The following PDXDC1 variants were observed in gnomAD, a reference collection of about 807,000 sequenced individuals.
PDXDC1 encodes the protein pyridoxal dependent decarboxylase domain containing 1.
PDXDC1 carries 42 observed loss-of-function variants against 100.1 expected under a neutral mutation model. That is an observed-to-expected ratio of 0.42 (90% CI 0.33 to 0.54). PDXDC1 has a LOEUF of 0.54. PDXDC1 is among the 20% of genes least tolerant of loss of function. The pLI, the probability that PDXDC1 is intolerant of heterozygous loss-of-function variation, is 0.10. For missense variants in PDXDC1, 636 were observed against 979.2 expected (o/e 0.65, Z 4.68); for synonymous variants, 260 against 371.7 (o/e 0.70, Z 3.46).
At chr16:15,040,200 TC>T (rs548576269), downstream of PDXDC1, 49 of 466,798 alleles carry the variant, frequency 1.0e-4, no homozygotes, top group South Asian at 2.2e-3. Flanking sequence ...TATCTGGACT[TC>T]CCCCTCCCTG....
At chr16:15,051,795 G>A (rs549222475) in intron 16 of PDXDC1, among the ~76,000 whole-genome samples, 23 of 150,412 alleles carry the variant, frequency 1.5e-4, no homozygotes, top group Non-Finnish European at 2.5e-4. Context: ...CAAACTCCTG[G>A]GCTCAAGCAA....
chr16:15,033,703 C>G (rs1485711642), intron 19 of PDXDC1, among the ~76,000 whole-genome samples: 1 of 152,182 alleles, frequency 6.6e-6, no homozygotes. Flanking sequence ...ACCCCTGCCA[C>G]CAAGGTCAGG....
At chr16:15,122,142 C>T (rs1296387591) in intron 16 of PDXDC1, among the ~76,000 whole-genome samples, 7 of 151,962 alleles carry the variant, frequency 4.6e-5, no homozygotes, top group African/African-American at 1.2e-4. Context: ...CCAGCCTGGG[C>T]GACAGAGTGA....
At chr16:15,072,516 C>T (rs1009673954) in intron 16 of PDXDC1, among the ~76,000 whole-genome samples, 7 of 152,088 alleles carry the variant, frequency 4.6e-5, no homozygotes, top group African/African-American at 7.2e-5. Context: ...GAGAAGGGAA[C>T]GTGGGCCAGG....
intron 16 of PDXDC1, chr16:15,047,778 ACT>A (rs1296437543): frequency 3.9e-5 from 49 of 1,243,534 alleles, no homozygotes; most frequent in Non-Finnish European, 4.1e-5. Flanking sequence ...ACACCAGGAA[ACT>A]CAACACGAGA....
intron 12 of PDXDC1, among the ~76,000 whole-genome samples, chr16:15,021,003 C>CACACAT (rs2042159707): frequency 6.6e-6 from 1 of 152,184 alleles, no homozygotes; most frequent in African/African-American, 2.4e-5. Context: ...CACACACACA[C>CACACAT]ACACACACGA....
At chr16:15,081,076 G>A (rs972926737) in intron 16 of PDXDC1, among the ~76,000 whole-genome samples, 1 of 152,110 alleles carries the variant, frequency 6.6e-6, no homozygotes, top group Non-Finnish European at 1.5e-5. Context: ...CCTTTTCATT[G>A]CTGAGTAATA....
intron 16 of PDXDC1, chr16:15,094,670 G>A (rs2046289091): frequency 4.1e-6 from 1 of 244,036 alleles, no homozygotes; most frequent in Non-Finnish European, 8.1e-6. Flanking sequence ...CAGGAGCCTG[G>A]GCTCTATACT....
chr16:15,065,027 G>C (rs1165778514), intron 16 of PDXDC1, among the ~76,000 whole-genome samples: 1 of 152,082 alleles, frequency 6.6e-6, no homozygotes, highest in Admixed American at 6.5e-5. Context: ...TTAGCCAGGC[G>C]TGGCAGTGGG....
At chr16:15,034,631 C>T (rs2043285692) in intron 21 of PDXDC1, 78 bp downstream of exon 21, 2 of 1,019,670 alleles carry the variant, frequency 2.0e-6, no homozygotes, top group Non-Finnish European at 3.1e-6. Flanking sequence ...CCAACACTTC[C>T]CACTGAGAAT....
chr16:15,104,319 T>C lies in PDXDC1; in HGVS notation c.1400-34560T>C, dbSNP rs1316074571. ...AACATAAGGACTGCAGTATTCATTT[T>C]ATTTTTATATTATTTATTTATTCTT... On this transcript the variant is annotated intron_variant, in intron 16 of 16. Coordinates refer to the PDXDC1 transcript ENST00000535621. 10 of 1,528,828 alleles carry C rather than the reference T, an allele frequency of 6.5e-6. No individual in the cohort carries two copies. In the East Asian group the frequency reaches 2.4e-4, roughly 37 times the overall value. 94.7% of individuals were successfully genotyped at this position (1,528,828 alleles called of 1,614,324 possible).
At chr16:14,994,921 T>C (rs1165675292) in intron 1 of PDXDC1, among the ~76,000 whole-genome samples, 3 of 152,302 alleles carry the variant, frequency 2.0e-5, no homozygotes, top group African/African-American at 7.2e-5. Flanking sequence ...GGGAGTTCAC[T>C]CATGATTTGG....
chr16:15,140,541 C>T (rs1048023299), downstream of PDXDC1, among the ~76,000 whole-genome samples: 1 of 151,574 alleles, frequency 6.6e-6, no homozygotes, highest in Non-Finnish European at 1.5e-5. Flanking sequence ...AAAAACCAGG[C>T]AATTAAAAGA....
At chr16:15,051,012 C>T (rs2044271419) in intron 16 of PDXDC1, among the ~76,000 whole-genome samples, 2 of 152,228 alleles carry the variant, frequency 1.3e-5, no homozygotes, top group Admixed American at 6.5e-5. Context: ...AGGTGACAGC[C>T]TCTCATTTTC....
chr16:15,053,170 G>A (rs2044362568), intron 16 of PDXDC1, among the ~76,000 whole-genome samples: 1 of 152,244 alleles, frequency 6.6e-6, no homozygotes, highest in Non-Finnish European at 1.5e-5. Flanking sequence ...CGTGGCTACT[G>A]TACTGAATAG....
chr16:15,034,234 G>A, intron 19 of PDXDC1, 52 bp from the exon 20 acceptor site: 1 of 1,516,138 alleles, frequency 6.6e-7, no homozygotes, highest in East Asian at 2.3e-5. Flanking sequence ...AGCTCTTCTG[G>A]GCCCCAGGTG....
At chr16:15,073,391 A>C (rs1266041761) in intron 16 of PDXDC1, among the ~76,000 whole-genome samples, 1 of 152,254 alleles carries the variant, frequency 6.6e-6, no homozygotes, top group Admixed American at 6.5e-5. Flanking sequence ...CAGGAGGTCA[A>C]GGCTGCAGTA....
chr16:15,124,130 T>C (rs559229996), intron 16 of PDXDC1, among the ~76,000 whole-genome samples: 2 of 152,284 alleles, frequency 1.3e-5, no homozygotes, highest in South Asian at 2.1e-4. Flanking sequence ...TCTCCTAAGG[T>C]GTTTGCCCAC....
At chr16:14,977,495 G>A (rs1041945545) in intron 1 of PDXDC1, among the ~76,000 whole-genome samples, 4 of 152,260 alleles carry the variant, frequency 2.6e-5, no homozygotes, top group African/African-American at 9.6e-5. Context: ...GGTCAGGATG[G>A]TCTCAAACGC....
Sources: gnomAD v4.1 joint callset for allele counts (sites outside exome capture counted in the v4.1 genomes callset) on GRCh38, gnomAD v4.1.1 for gene constraint, MANE v1.5 for transcripts, NCBI Gene and HGNC (gene_info 2026-07-23, HGNC 2026-07-21) for gene names.